CPLANE1: variants seen among roughly 807,000 people sequenced by gnomAD.
The protein encoded by CPLANE1 is ciliogenesis and planar polarity effector 1.
Under a neutral mutation model 362.5 loss-of-function variants are expected in CPLANE1, and 263 were observed. That is an observed-to-expected ratio of 0.73 (90% CI 0.66 to 0.80). The LOEUF (loss-of-function observed/expected upper bound fraction) is 0.80, where lower values mean the gene tolerates loss of function less well. Ranked by LOEUF, CPLANE1 falls within the 30% of genes least tolerant of loss-of-function variation. CPLANE1 has a pLI of 0.00. For synonymous variants in CPLANE1, 1,212 were observed against 1,302.6 expected (o/e 0.93, Z 1.50); for missense variants, 3,461 against 3,793.4 (o/e 0.91, Z 2.30).
chr5:37,171,511 G>T (rs2150972434), intron 32 of CPLANE1, among the ~76,000 whole-genome samples: 1 of 152,320 alleles, frequency 6.6e-6, no homozygotes, highest in Middle Eastern at 3.4e-3. Context: ...GGAAAGGAGG[G>T]AAGGTAAAGA....
chr5:37,138,163 T>C (rs2150350316), intron 46 of CPLANE1, among the ~76,000 whole-genome samples: 1 of 152,300 alleles, frequency 6.6e-6, no homozygotes, highest in South Asian at 2.1e-4. Context: ...TATTACTACG[T>C]GGTTGCCTAA....
chr5:37,182,823 T>G lies in CPLANE1; in HGVS notation c.5358A>C (p.Thr1786=). ...AGGGTTGTTCCAAAAGCCATAATGA[T>G]GTAAGAATGGCAGCTGTAGAGGTCT... is the stretch of plus-strand genomic sequence containing the variant. ...RVKTSTAAIL[T]SLWLLEQPYF... Residue 1786 remains threonine (T), a synonymous_variant, in exon 26 of 53, where the codon ACA becomes ACC. Coordinates refer to ENST00000651892, the MANE Select transcript of CPLANE1 (RefSeq NM_001384732.1). The G allele has an allele frequency of 6.2e-7, 1 of 1,613,744 alleles. No individual in the cohort carries two copies. Among genetic ancestry groups the G allele is most frequent in the South Asian group, 1.1e-5 (1 of 90,996 alleles).
intron 46 of CPLANE1, among the ~76,000 whole-genome samples, chr5:37,138,113 A>T (rs907700241): frequency 6.6e-6 from 1 of 152,092 alleles, no homozygotes; most frequent in Non-Finnish European, 1.5e-5. Flanking sequence ...TGCTTTGATG[A>T]TATGTCCAAC....
chr5:37,109,928 A>G (rs1045892057), intron 51 of CPLANE1, among the ~76,000 whole-genome samples: 4 of 152,194 alleles, frequency 2.6e-5, no homozygotes, highest in African/African-American at 7.2e-5. Flanking sequence ...AAGTGCTGGG[A>G]TTACAGGAGT....
rs762290119 is a variant in CPLANE1, at chr5:37,157,721, T to C, written c.7960A>G (p.Met2654Val). ...AVPSSAELHYMAASVTNAVPP... is the reference protein window; with the variant it reads ...AVPSSAELHYVAASVTNAVPP... ...ACAGCATTAGTAACTGAAGCTGCCA[T>C]ATAATGTAACTCTGCAGACGATGGA... The change falls in exon 40 of 53, where the codon ATG becomes GTG. Residue 2654 changes from methionine (M) to valine (V), a missense_variant. By Grantham distance (21) the Met-to-Val change is conservative. Transcript: ENST00000651892. 1.7e-5 allele frequency: 28 copies of C among 1,613,930 alleles called. No homozygotes were observed. The highest frequency in any genetic ancestry group is 1.7e-5 in the Admixed American group (1 of 59,998).
At chr5:37,210,611 G>A in intron 16 of CPLANE1, 1 of 1,598,160 alleles carries the variant, frequency 6.3e-7, no homozygotes, top group South Asian at 1.1e-5. Context: ...TCAAAGCCCA[G>A]TCTTTGGCAA....
intron 38 of CPLANE1, among the ~76,000 whole-genome samples, chr5:37,162,254 C>T (rs1777029287): frequency 6.6e-6 from 1 of 152,082 alleles, no homozygotes; most frequent in South Asian, 2.1e-4. Flanking sequence ...TAGTCTATGG[C>T]AATTTTGAAG....
chr5:37,219,472 A>T (rs549414706), intron 15 of CPLANE1, among the ~76,000 whole-genome samples: 9 of 152,030 alleles, frequency 5.9e-5, no homozygotes, highest in African/African-American at 2.2e-4. Flanking sequence ...AGGTTGCAGT[A>T]AGCCAAGATC....
intron 32 of CPLANE1, among the ~76,000 whole-genome samples, chr5:37,172,262 T>C (rs1308454608): frequency 6.6e-6 from 1 of 152,130 alleles, no homozygotes; most frequent in African/African-American, 2.4e-5. Flanking sequence ...TCCTAGAATA[T>C]AGAAGACAAT....
intron 46 of CPLANE1, chr5:37,138,474 G>C: frequency 1.6e-6 from 1 of 610,978 alleles, no homozygotes; most frequent in Non-Finnish European, 3.1e-6. Flanking sequence ...CTTCTAGTAA[G>C]AGACAGGATT....
At chr5:37,178,258 C>T (rs1580454115) in intron 29 of CPLANE1, among the ~76,000 whole-genome samples, 2 of 151,742 alleles carry the variant, frequency 1.3e-5, no homozygotes, top group East Asian at 3.9e-4. Context: ...CACCACTGCA[C>T]TCCAGCCTGG....
At chr5:37,158,026 G>A (rs1312549332) in intron 39 of CPLANE1, 158 bp from the exon 40 acceptor site, 15 of 772,528 alleles carry the variant, frequency 1.9e-5, no homozygotes, top group Non-Finnish European at 3.0e-5. Context: ...TTAGGAAAAG[G>A]AGCAGGAAGT....
Position 37,206,292 on chromosome 5 carries a change from A to C in CPLANE1, c.3054T>G (p.Ala1018=), listed in dbSNP as rs1028386148. ...LLFIGGLVPE[A]VWLAYKLGDW... ...CTCCAAGTTTATATGCCAACCACAC[A>C]GCCTCTGGAACCAGGCCACCAATAA... The change falls in exon 17 of 53, where the codon GCT becomes GCG. Residue 1018 remains alanine, a synonymous_variant. Transcript: ENST00000651892. 5 of 1,551,760 alleles carry C rather than the reference A, an allele frequency of 3.2e-6. No homozygotes were observed. In the African/African-American group the frequency reaches 5.5e-5, roughly 17 times the overall value.
chr5:37,179,987 CA>C (rs746831438), intron 28 of CPLANE1, 29 bp downstream of exon 28: 26 of 1,478,296 alleles, frequency 1.8e-5, no homozygotes, highest in Middle Eastern at 2.0e-4. Context: ...TTAATAAAGC[CA>C]AAAAAATAGA....
intron 44 of CPLANE1, chr5:37,141,055 A>ACT: frequency 1.0e-6 from 1 of 985,170 alleles, no homozygotes; most frequent in Non-Finnish European, 1.2e-6. Flanking sequence ...TCTTTTACCC[A>ACT]CCTAGTCACT....
the CPLANE1 span, among the ~76,000 whole-genome samples, chr5:37,083,147 C>T: frequency 6.6e-6 from 1 of 152,198 alleles, no homozygotes; most frequent in African/African-American, 2.4e-5. Flanking sequence ...GCCTGGCAGA[C>T]TTGCTGGGTG....
the CPLANE1 span, among the ~76,000 whole-genome samples, chr5:37,077,540 GAGAC>G: frequency 4.8e-4 from 71 of 149,142 alleles, no homozygotes; most frequent in South Asian, 4.3e-3. Context: ...TGGGTCTTAA[GAGAC>G]AGACAGAATA....
the CPLANE1 span, among the ~76,000 whole-genome samples, chr5:37,093,228 T>C: frequency 6.6e-6 from 1 of 152,196 alleles, no homozygotes; most frequent in South Asian, 2.1e-4. Context: ...CAAAAACGTG[T>C]CTAATGAACT....
intron 21 of CPLANE1, among the ~76,000 whole-genome samples, chr5:37,194,066 T>C (rs1400171928): frequency 6.6e-6 from 1 of 151,860 alleles, no homozygotes; most frequent in East Asian, 1.9e-4. Flanking sequence ...GGATTACAGG[T>C]GCACACCACT....
Sources: gnomAD v4.1 joint callset for allele counts (sites outside exome capture counted in the v4.1 genomes callset) on GRCh38, gnomAD v4.1.1 for gene constraint, MANE v1.5 for transcripts, NCBI Gene and HGNC (gene_info 2026-07-23, HGNC 2026-07-21) for gene names.